The following XRCC4 variants were observed in gnomAD, a reference collection of about 807,000 sequenced individuals.
XRCC4 encodes X-ray repair cross complementing 4, also known as DNA repair protein XRCC4.
Under a neutral mutation model 39.1 loss-of-function variants are expected in XRCC4, and 28 were observed. The ratio of observed to expected loss-of-function variants is 0.72; its 90% CI spans 0.53 to 0.98. The LOEUF is 0.98. Among genes scored for constraint, XRCC4 ranks in the 50% least tolerant of loss-of-function variants. The pLI, the probability that XRCC4 is intolerant of heterozygous loss-of-function variation, is 0.00. For synonymous variants in XRCC4, 123 were observed against 126.4 expected (o/e 0.97, Z 0.18); for missense variants, 350 against 376.4 (o/e 0.93, Z 0.58).
chr5:83,299,375 G>A (rs1378263155), intron 7 of XRCC4, among the ~76,000 whole-genome samples: 1 of 152,088 alleles, frequency 6.6e-6, no homozygotes, highest in African/African-American at 2.4e-5. Context: ...ACAACAAAAT[G>A]TAGGTTTCTT....
intron 3 of XRCC4, among the ~76,000 whole-genome samples, chr5:83,116,508 A>G (rs1181710455): frequency 1.3e-5 from 2 of 152,004 alleles, no homozygotes; most frequent in Non-Finnish European, 2.9e-5. Context: ...TTTTTTCTTA[A>G]AAGGAAGTAA....
At chr5:83,269,608 G>A (rs1754068468) in intron 7 of XRCC4, among the ~76,000 whole-genome samples, 1 of 149,480 alleles carries the variant, frequency 6.7e-6, no homozygotes, top group African/African-American at 2.4e-5. Flanking sequence ...TGGGAATTCA[G>A]TAAAAATAGA....
At chr5:83,098,536 A>C (rs1745781565) in intron 1 of XRCC4, among the ~76,000 whole-genome samples, 1 of 152,064 alleles carries the variant, frequency 6.6e-6, no homozygotes, top group South Asian at 2.1e-4. Flanking sequence ...AATTCTTTAC[A>C]CTTAATGTTT....
At chr5:83,167,396 C>T (rs1053180608) in intron 3 of XRCC4, among the ~76,000 whole-genome samples, 1 of 152,048 alleles carries the variant, frequency 6.6e-6, no homozygotes, top group Admixed American at 6.6e-5. Context: ...TCTGACAGTA[C>T]AAGGAACTGA....
intron 3 of XRCC4, among the ~76,000 whole-genome samples, chr5:83,183,171 G>A (rs1438609961): frequency 6.6e-6 from 1 of 151,992 alleles, no homozygotes; most frequent in Non-Finnish European, 1.5e-5. Context: ...TGCTCTGAAA[G>A]CTTTTAGAAT....
intron 7 of XRCC4, among the ~76,000 whole-genome samples, chr5:83,274,763 T>C (rs1754266773): frequency 6.6e-6 from 1 of 152,048 alleles, no homozygotes; most frequent in Non-Finnish European, 1.5e-5. Context: ...GGAGTAGAAA[T>C]GTGTACCATG....
At chr5:83,204,030 A>G (rs1751321221) in intron 5 of XRCC4, among the ~76,000 whole-genome samples, 2 of 152,182 alleles carry the variant, frequency 1.3e-5, no homozygotes, top group East Asian at 1.9e-4. Flanking sequence ...CAAAAGTTGG[A>G]TGCATATTTG....
intron 7 of XRCC4, among the ~76,000 whole-genome samples, chr5:83,298,761 A>G (rs1334945725): frequency 3.3e-5 from 5 of 151,936 alleles, no homozygotes; most frequent in Admixed American, 2.0e-4. Context: ...CTCTTAACTT[A>G]TGAAAGTATA....
At chr5:83,139,731 T>C (rs1055040096) in intron 3 of XRCC4, among the ~76,000 whole-genome samples, 3 of 152,180 alleles carry the variant, frequency 2.0e-5, no homozygotes, top group African/African-American at 7.2e-5. Flanking sequence ...CATGTTGCTG[T>C]GCTGAGTACT....
intron 3 of XRCC4, among the ~76,000 whole-genome samples, chr5:83,194,258 T>C (rs1750846731): frequency 6.6e-6 from 1 of 152,206 alleles, no homozygotes; most frequent in Non-Finnish European, 1.5e-5. Context: ...GTGACATTTT[T>C]CTTTAACTTT....
chr5:83,277,646 C>T (rs1754381933), intron 7 of XRCC4, among the ~76,000 whole-genome samples: 1 of 152,166 alleles, frequency 6.6e-6, no homozygotes, highest in African/African-American at 2.4e-5. Flanking sequence ...AAAACAACAT[C>T]GGTTGAAAGT....
At chr5:83,214,477 C>T (rs139465907) in intron 6 of XRCC4, among the ~76,000 whole-genome samples, 90 of 152,134 alleles carry the variant, frequency 5.9e-4, no homozygotes, top group African/African-American at 2.1e-3. Context: ...ATCCCAGAAA[C>T]TCATGATGCC....
At chr5:83,101,240 G>A (rs1027282403) in intron 1 of XRCC4, among the ~76,000 whole-genome samples, 3 of 151,946 alleles carry the variant, frequency 2.0e-5, no homozygotes, top group African/African-American at 7.2e-5. Context: ...TAATTTTTAT[G>A]TTATTTCTCT....
intron 3 of XRCC4, among the ~76,000 whole-genome samples, chr5:83,143,028 A>T (rs893582866): frequency 2.0e-5 from 3 of 152,162 alleles, no homozygotes; most frequent in African/African-American, 7.2e-5. Context: ...TAACACTTAA[A>T]TGTAGAGATT....
At chr5:83,178,385 G>A (rs1197318966) in intron 3 of XRCC4, among the ~76,000 whole-genome samples, 7 of 152,094 alleles carry the variant, frequency 4.6e-5, no homozygotes, top group Admixed American at 4.6e-4. Flanking sequence ...GATCACTCAG[G>A]AAGAGAATGG....
At chr5:83,337,892 G>T (rs1386745516) in intron 7 of XRCC4, among the ~76,000 whole-genome samples, 1 of 152,096 alleles carries the variant, frequency 6.6e-6, no homozygotes, top group Admixed American at 6.5e-5. Context: ...TATCAACTTG[G>T]CAAGATGATG....
At chr5:83,127,138 G>T (rs1351605301) in intron 3 of XRCC4, among the ~76,000 whole-genome samples, 1 of 152,060 alleles carries the variant, frequency 6.6e-6, no homozygotes, top group South Asian at 2.1e-4. Flanking sequence ...GACTTTTGGG[G>T]CTACTGGGAT....
intron 6 of XRCC4, among the ~76,000 whole-genome samples, chr5:83,242,131 C>T (rs559483347): frequency 6.6e-6 from 1 of 150,488 alleles, no homozygotes; most frequent in Non-Finnish European, 1.5e-5. Flanking sequence ...CAGTTCAAAT[C>T]CATGTTGCCC....
At chr5:83,137,010 G>A (rs1747931027) in intron 3 of XRCC4, among the ~76,000 whole-genome samples, 1 of 152,068 alleles carries the variant, frequency 6.6e-6, no homozygotes, top group Non-Finnish European at 1.5e-5. Flanking sequence ...CTTGATTGTG[G>A]TGATTATTTC....
Sources: gnomAD v4.1 joint callset for allele counts (sites outside exome capture counted in the v4.1 genomes callset) on GRCh38, gnomAD v4.1.1 for gene constraint, MANE v1.5 for transcripts, NCBI Gene and HGNC (gene_info 2026-07-23, HGNC 2026-07-21) for gene names.